The following FSTL5 variants were observed in gnomAD, a reference collection of about 807,000 sequenced individuals.
FSTL5 encodes the protein follistatin-related protein 5.
In FSTL5, 62 loss-of-function variants were observed where a neutral mutation model predicts 89.1. That is an observed-to-expected ratio of 0.70 (90% CI 0.57 to 0.86). The LOEUF is 0.86. FSTL5 is among the 40% of genes least tolerant of loss of function. The pLI, the probability that FSTL5 is intolerant of heterozygous loss-of-function variation, is 0.00. For missense variants in FSTL5, 1,057 were observed against 1,001.6 expected, an observed-to-expected ratio of 1.06 and a Z score of -0.75; for synonymous variants, 383 against 346.2, an observed-to-expected ratio of 1.11 and a Z score of -1.18.
intron 10 of FSTL5, among the ~76,000 whole-genome samples, chr4:161,525,798 C>G (rs1731199940): frequency 6.6e-6 from 1 of 152,084 alleles, no homozygotes; most frequent in Non-Finnish European, 1.5e-5. Context: ...CATATCTCAC[C>G]AAGTCTTGGT....
intron 5 of FSTL5, among the ~76,000 whole-genome samples, chr4:161,761,239 T>A (rs1740788112): frequency 6.6e-6 from 1 of 152,188 alleles, no homozygotes; most frequent in African/African-American, 2.4e-5. Context: ...GCTGAAGCCA[T>A]CTCTTCTATA....
intron 12 of FSTL5, among the ~76,000 whole-genome samples, chr4:161,495,787 T>A (rs1730048118): frequency 6.6e-6 from 1 of 152,124 alleles, no homozygotes; most frequent in African/African-American, 2.4e-5. Context: ...TTGAAAAATA[T>A]TATATTCATA....
intron 3 of FSTL5, among the ~76,000 whole-genome samples, chr4:161,935,271 T>C (rs985484375): frequency 3.9e-5 from 6 of 152,110 alleles, no homozygotes; most frequent in African/African-American, 1.4e-4. Context: ...TAGTAATTCC[T>C]ATCATTTTTG....
intron 13 of FSTL5, among the ~76,000 whole-genome samples, 198 bp from the exon 14 acceptor site, chr4:161,459,517 ATCTT>A (rs1303978486): frequency 1.2e-4 from 18 of 152,122 alleles, no homozygotes; most frequent in African/African-American, 7.2e-5. Flanking sequence ...ATAAAGTATT[ATCTT>A]TCTAAATTTT....
At chr4:161,804,696 C>A (rs1430024982) in intron 4 of FSTL5, among the ~76,000 whole-genome samples, 1 of 151,908 alleles carries the variant, frequency 6.6e-6, no homozygotes, top group Non-Finnish European at 1.5e-5. Context: ...AATTCAACTT[C>A]TTGAGATAAA....
At chr4:161,728,224 A>G (rs762415483) in intron 6 of FSTL5, among the ~76,000 whole-genome samples, 12 of 152,204 alleles carry the variant, frequency 7.9e-5, no homozygotes, top group Non-Finnish European at 1.8e-4. Context: ...AGCTTAAAGA[A>G]CAGAAATTAA....
intron 1 of FSTL5, among the ~76,000 whole-genome samples, chr4:162,140,645 T>G (rs1340239959): frequency 6.6e-6 from 1 of 152,152 alleles, no homozygotes; most frequent in Non-Finnish European, 1.5e-5. Flanking sequence ...TCATTCAGAC[T>G]GATGTATTGA....
intron 5 of FSTL5, among the ~76,000 whole-genome samples, chr4:161,766,697 A>G (rs545916655): frequency 6.6e-6 from 1 of 152,332 alleles, no homozygotes; most frequent in African/African-American, 2.4e-5. Context: ...TTATTCGTTC[A>G]GTAATTTTAA....
intron 3 of FSTL5, among the ~76,000 whole-genome samples, chr4:161,991,569 T>C (rs1450405826): frequency 6.6e-6 from 1 of 152,166 alleles, no homozygotes; most frequent in East Asian, 1.9e-4. Context: ...ACTGCATGTA[T>C]TGACTTATAC....
At position 162,059,554 on chromosome 4, in the gene FSTL5, C is replaced by T. The variant is rs1227127389; in HGVS notation, c.127-25896G>A. ...AACTATGTAATATCATCAGTATCTT[C>T]AAGGATGATATGAAAGCCACATTTC... On this transcript the variant is annotated intron_variant, in intron 2 of 15. Coordinates refer to ENST00000306100, the MANE Select transcript of FSTL5 (RefSeq NM_020116.5). 2.6e-5 allele frequency among the ~76,000 whole-genome samples: 4 copies of T among 152,208 alleles called. No individual in the cohort carries two copies. In the East Asian group the frequency reaches 5.8e-4, roughly 22 times the overall value.
At chr4:161,449,423 A>G (rs1294977465) in intron 15 of FSTL5, among the ~76,000 whole-genome samples, 3 of 152,174 alleles carry the variant, frequency 2.0e-5, no homozygotes, top group African/African-American at 7.2e-5. Flanking sequence ...AAACAATATA[A>G]TCAAATGGTA....
chr4:161,932,737 CTT>C (rs1362843165), intron 3 of FSTL5, among the ~76,000 whole-genome samples: 1 of 151,742 alleles, frequency 6.6e-6, no homozygotes, highest in African/African-American at 2.4e-5. Flanking sequence ...ATATTTATGT[CTT>C]TTGCAAATTT....
At chr4:161,388,740 C>T (rs1730726041) in intron 15 of FSTL5, among the ~76,000 whole-genome samples, 1 of 152,024 alleles carries the variant, frequency 6.6e-6, no homozygotes, top group African/African-American at 2.4e-5. Flanking sequence ...GCCAATCAAG[C>T]TTTGGCATTT....
At chr4:162,061,900 T>C (rs528467607) in intron 2 of FSTL5, among the ~76,000 whole-genome samples, 41 of 152,250 alleles carry the variant, frequency 2.7e-4, no homozygotes, top group Non-Finnish European at 5.1e-4. Context: ...AAGTTTAATT[T>C]TTAAATTTTC....
rs1246261336 is a variant in FSTL5 at position 161,977,868 on chromosome 4, A to C, written c.160+55757T>G. On this transcript the variant is annotated intron_variant, in intron 3 of 15. Transcript: ENST00000306100. ...TTGGTGAAATATTCTATATTAATCTATATGTCAATCCAGGGACTGATAATT... is the reference window on the plus strand; with the variant it reads ...TTGGTGAAATATTCTATATTAATCTCTATGTCAATCCAGGGACTGATAATT... 3.3e-5 allele frequency among the ~76,000 whole-genome samples: 5 copies of C among 152,060 alleles called. No homozygotes were observed. The East Asian group carries it at 9.7e-4, about 29-fold the overall frequency.
intron 6 of FSTL5, among the ~76,000 whole-genome samples, chr4:161,686,608 C>A (rs1029777396): frequency 2.0e-5 from 3 of 151,400 alleles, no homozygotes; most frequent in African/African-American, 4.8e-5. Flanking sequence ...GATCTGCCCA[C>A]CTTGGCCTCC....
chr4:161,677,863 C>T (rs1283575276), intron 6 of FSTL5, among the ~76,000 whole-genome samples: 1 of 151,828 alleles, frequency 6.6e-6, no homozygotes, highest in Non-Finnish European at 1.5e-5. Flanking sequence ...AGTCTCACCA[C>T]AAATAATGTG....
chr4:161,439,988 C>G (rs1560896050), intron 15 of FSTL5, among the ~76,000 whole-genome samples: 1 of 152,028 alleles, frequency 6.6e-6, no homozygotes, highest in Non-Finnish European at 1.5e-5. Flanking sequence ...TAGAGTATTG[C>G]CATATCTGGA....
intron 3 of FSTL5, among the ~76,000 whole-genome samples, chr4:161,936,780 GC>G (rs546364770): frequency 4.6e-5 from 7 of 152,112 alleles, no homozygotes; most frequent in Non-Finnish European, 7.3e-5. Flanking sequence ...CAAGCTGAAT[GC>G]CATAAAAAGC....
Sources: gnomAD v4.1 joint callset for allele counts (sites outside exome capture counted in the v4.1 genomes callset) on GRCh38, gnomAD v4.1.1 for gene constraint, MANE v1.5 for transcripts, NCBI Gene and HGNC (gene_info 2026-07-23, HGNC 2026-07-21) for gene names.